Variants in BLK observed in about 807,000 individuals in gnomAD.
BLK encodes the protein BLK proto-oncogene, Src family tyrosine kinase, also known as tyrosine-protein kinase Blk.
A neutral mutation model predicts 61.8 loss-of-function variants in BLK; 64 were observed. The observed-to-expected ratio is 1.03, with a 90% CI of 0.85 to 1.27. The LOEUF (loss-of-function observed/expected upper bound fraction) is 1.27, where lower values mean the gene tolerates loss of function less well. BLK is among the 50% of genes most tolerant of loss of function. BLK has a pLI of 0.00. For missense variants in BLK, 853 were observed against 660.5 expected (o/e 1.29, Z -3.19); for synonymous variants, 351 against 272.0 (o/e 1.29, Z -2.86).
At chr8:11,523,335 C>T (rs572222815) in intron 1 of BLK, among the ~76,000 whole-genome samples, 4 of 152,180 alleles carry the variant, frequency 2.6e-5, no homozygotes, top group African/African-American at 9.7e-5. Context: ...AGGAGGATCA[C>T]TTGAAGTCAG....
At chr8:11,541,718 G>C (rs547420074) in intron 1 of BLK, among the ~76,000 whole-genome samples, 1 of 152,050 alleles carries the variant, frequency 6.6e-6, no homozygotes, top group Non-Finnish European at 1.5e-5. Flanking sequence ...GGCTGGTCTC[G>C]AACTCCTGAC....
intron 11 of BLK, among the ~76,000 whole-genome samples, chr8:11,562,025 G>T (rs944660600): frequency 1.3e-5 from 2 of 152,062 alleles, no homozygotes; most frequent in African/African-American, 4.8e-5. Context: ...CACCATGTTG[G>T]CCAGGCTGGT....
intron 10 of BLK, 160 bp from the exon 11 acceptor site, chr8:11,561,142 A>G (rs1801488436): frequency 2.2e-5 from 23 of 1,034,478 alleles, no homozygotes; most frequent in East Asian, 5.2e-5. Flanking sequence ...CTAGGAGAGG[A>G]GTTTATTCGG....
chr8:11,529,283 C>T (rs1585363116), intron 1 of BLK, among the ~76,000 whole-genome samples: 1 of 152,146 alleles, frequency 6.6e-6, no homozygotes, highest in African/African-American at 2.4e-5. Flanking sequence ...CTTATTATTA[C>T]TCAAATCAGC....
At chr8:11,545,844 C>G (rs1401414003) in intron 2 of BLK, 4 of 650,050 alleles carry the variant, frequency 6.2e-6, no homozygotes, top group Non-Finnish European at 1.1e-5. Flanking sequence ...GCGGTCAGGG[C>G]AAAGGCAGCA....
intron 2 of BLK, chr8:11,545,836 G>T (rs1387484922): frequency 4.8e-6 from 3 of 619,936 alleles, no homozygotes; most frequent in East Asian, 5.6e-5. Flanking sequence ...CCCCCAGCGC[G>T]GTCAGGGCAA....
At chr8:11,501,725 T>C (rs1798568497) in intron 1 of BLK, among the ~76,000 whole-genome samples, 1 of 152,178 alleles carries the variant, frequency 6.6e-6, no homozygotes, top group Non-Finnish European at 1.5e-5. Flanking sequence ...TAGCCAAGCA[T>C]TGGTTGCAGC....
Position 11,556,763 on chromosome 8 carries a change from A to C in BLK, c.878A>C (p.His293Pro). Reference sequence around the variant, plus strand: ...GCCAACGTGATGAAGGCTCTGCAGCACGAGCGGCTGGTCCGACTCTACGCA... The same window carrying C: ...GCCAACGTGATGAAGGCTCTGCAGCCCGAGCGGCTGGTCCGACTCTACGCA... ...GEANVMKALQ[H>P]ERLVRLYAVV... Residue 293 changes from histidine (H) to proline (P), a missense_variant, in exon 9 of 13, where the codon CAC becomes CCC. His to Pro is a moderately conservative substitution (Grantham distance 77). Coordinates refer to ENST00000259089, the MANE Select transcript of BLK (RefSeq NM_001715.3). 2 of 1,614,222 alleles carry C rather than the reference A, an allele frequency of 1.2e-6. No homozygotes were observed. The highest frequency in any genetic ancestry group is 1.7e-6 in the Non-Finnish European group (2 of 1,180,038).
rs574861244 is a variant in BLK at position 11,550,031 on chromosome 8, G to C, written c.369-128G>C. On this transcript the variant is annotated intron_variant, in intron 5 of 12. Transcript: ENST00000259089. ...TCACGGTGTGAGGAGCAGCAGCTCA[G>C]GGCCGACTGGGACCAGAAATGCTAG... 8 of 839,254 alleles carry C rather than the reference G, an allele frequency of 9.5e-6. No individual in the cohort carries two copies. In the African/African-American group the frequency reaches 1.2e-4, roughly 12 times the overall value. The allele number at this position is 839,254 out of a possible 1,614,324, so 52.0% of individuals were successfully genotyped here.
chr8:11,510,808 A>AATAC (rs914200695), intron 1 of BLK, among the ~76,000 whole-genome samples: 19 of 141,954 alleles, frequency 1.3e-4, no homozygotes, highest in Admixed American at 1.0e-3. Context: ...TAAATAAATA[A>AATAC]ATAAATAAAT....
chr8:11,510,511 G>C (rs965863269), intron 1 of BLK, among the ~76,000 whole-genome samples: 3 of 152,110 alleles, frequency 2.0e-5, no homozygotes, highest in Non-Finnish European at 4.4e-5. Flanking sequence ...ACAAAATTTG[G>C]CATGTTTGTG....
At chr8:11,544,866 C>T (rs1800553052) in intron 2 of BLK, among the ~76,000 whole-genome samples, 1 of 152,078 alleles carries the variant, frequency 6.6e-6, no homozygotes, top group South Asian at 2.1e-4. Context: ...AAAGAATACA[C>T]CAAAACGCAC....
intron 4 of BLK, 107 bp downstream of exon 4, chr8:11,548,232 CA>C: frequency 1.1e-6 from 1 of 950,278 alleles, no homozygotes; most frequent in Non-Finnish European, 1.7e-6. Flanking sequence ...AAGTCTTCTC[CA>C]TCGCCCTGCC....
intron 1 of BLK, among the ~76,000 whole-genome samples, chr8:11,541,957 A>T (rs998420487): frequency 1.3e-5 from 2 of 152,220 alleles, no homozygotes; most frequent in African/African-American, 4.8e-5. Context: ...TAAAACTGTG[A>T]ATTATTATGT....
At position 11,550,240 on chromosome 8, in the gene BLK, C is replaced by A. The variant is rs1400908490; in HGVS notation, c.450C>A (p.Ile150=). ...TCAACAAGGCCGGCTCCTTTCTTAT[C>A]AGAGAGAGTGAAACCAACAAAGGTA... is the stretch of plus-strand genomic sequence containing the variant. ...APINKAGSFL[I]RESETNKGAF... The change falls in exon 6 of 13, where the codon ATC becomes ATA. Residue 150 remains isoleucine (I), a synonymous_variant. Transcript: ENST00000259089. 6.2e-7 allele frequency: 1 copy of A among 1,613,784 alleles called. No individual in the cohort carries two copies. The highest frequency in any genetic ancestry group is 1.3e-5 in the African/African-American group (1 of 74,926).
At chr8:11,559,678 A>G in intron 10 of BLK, 5 of 449,692 alleles carry the variant, frequency 1.1e-5, no homozygotes. Context: ...CCCTGCAATC[A>G]CAATCCCTCG....
intron 9 of BLK, among the ~76,000 whole-genome samples, chr8:11,557,671 A>T (rs867018767): frequency 8.5e-5 from 13 of 152,088 alleles, no homozygotes; most frequent in African/African-American, 3.1e-4. Context: ...CTGGGGTCCC[A>T]CTCCCAGCTC....
chr8:11,553,332 A>T, intron 6 of BLK: 1 of 410,174 alleles, frequency 2.4e-6, no homozygotes, highest in Non-Finnish European at 4.8e-6. Flanking sequence ...TTCATCTCAG[A>T]GCCAGGCCCT....
chr8:11,520,245 G>C (rs1799387765), intron 1 of BLK, among the ~76,000 whole-genome samples: 1 of 152,124 alleles, frequency 6.6e-6, no homozygotes, highest in African/African-American at 2.4e-5. Context: ...GGGAGGCTAA[G>C]GTAGGAGGAT....
Sources: allele counts gnomAD v4.1 joint callset (sites outside exome capture counted in the v4.1 genomes callset), GRCh38; gene constraint gnomAD v4.1.1; transcripts MANE v1.5; gene names NCBI Gene and HGNC (gene_info 2026-07-23, HGNC 2026-07-21).